Variants in PLD1 observed in about 807,000 individuals in gnomAD.
PLD1 encodes the protein phospholipase D1.
Under a neutral mutation model 137.1 loss-of-function variants are expected in PLD1, and 112 were observed. The ratio of observed to expected loss-of-function variants is 0.82; its 90% CI spans 0.70 to 0.96. The LOEUF (loss-of-function observed/expected upper bound fraction) is 0.96, where lower values mean the gene tolerates loss of function less well. PLD1 is among the 40% of genes least tolerant of loss of function. The pLI, the probability that PLD1 is intolerant of heterozygous loss-of-function variation, is 0.00. For synonymous variants in PLD1, 431 were observed against 454.7 expected (o/e 0.95, Z 0.66); for missense variants, 1,321 against 1,342.0 (o/e 0.98, Z 0.24).
In PLD1 at chr3:171,708,794, A is replaced by G. The variant is rs1358821607; in HGVS notation, c.1106T>C (p.Met369Thr). ...AAAAATCTCTTCATTTGCCTCTTCC[A>G]TTGCATTTGCCACATCTTCAAAATA... ...KGYFEDVANA[M>T]EEANEEIFIT... Residue 369 changes from methionine (M) to threonine (T), a missense_variant, in exon 11 of 27, where the codon ATG becomes ACG. By Grantham distance (81) the Met-to-Thr change is moderately conservative. Transcript: ENST00000351298. 2 of 1,604,200 alleles carry G rather than the reference A, an allele frequency of 1.2e-6. No individual in the cohort carries two copies. Among genetic ancestry groups the G allele is most frequent in the South Asian group, 1.1e-5 (1 of 90,904 alleles).
chr3:171,791,236 A>AT (rs1304352489), intron 1 of PLD1, among the ~76,000 whole-genome samples: 2 of 152,156 alleles, frequency 1.3e-5, no homozygotes, highest in East Asian at 3.8e-4. Flanking sequence ...CTGTAAAAAA[A>AT]CCTCACACTA....
chr3:171,704,422 G>A (rs1251418733), intron 11 of PLD1, among the ~76,000 whole-genome samples: 1 of 85,508 alleles, frequency 1.2e-5, no homozygotes, highest in Non-Finnish European at 2.3e-5. Context: ...AAATGTTCTA[G>A]AATACATTAA....
intron 1 of PLD1, among the ~76,000 whole-genome samples, chr3:171,748,016 C>T (rs1055966609): frequency 2.0e-5 from 3 of 152,160 alleles, no homozygotes; most frequent in Non-Finnish European, 4.4e-5. Flanking sequence ...TTTAAAAACT[C>T]CTCTCTCAAC....
intron 24 of PLD1, among the ~76,000 whole-genome samples, chr3:171,615,429 A>T (rs2108279564): frequency 6.6e-6 from 1 of 152,336 alleles, no homozygotes; most frequent in South Asian, 2.1e-4. Flanking sequence ...CAATAATAAA[A>T]TAGTCATCAC....
chr3:171,759,764 T>C (rs905438498), intron 1 of PLD1, among the ~76,000 whole-genome samples: 1 of 152,272 alleles, frequency 6.6e-6, no homozygotes, highest in African/African-American at 2.4e-5. Context: ...TATTTACTTA[T>C]TCAAACATCT....
chr3:171,609,491 A>T (rs1225910401), intron 25 of PLD1, among the ~76,000 whole-genome samples: 3 of 148,538 alleles, frequency 2.0e-5, no homozygotes, highest in Non-Finnish European at 4.5e-5. Context: ...TCCTGAGCAG[A>T]CAATTACATA....
chr3:171,644,021 C>CTT (rs1323078112), intron 22 of PLD1, among the ~76,000 whole-genome samples: 1 of 152,044 alleles, frequency 6.6e-6, no homozygotes, highest in African/African-American at 2.4e-5. Context: ...GGCGAGGGGG[C>CTT]CCAAGCAGGA....
chr3:171,628,556 CA>C (rs894505404), intron 23 of PLD1, among the ~76,000 whole-genome samples: 11 of 151,534 alleles, frequency 7.3e-5, no homozygotes, highest in Middle Eastern at 3.4e-3. Flanking sequence ...GAGACACAAC[CA>C]AAAAAGAGAA....
At chr3:171,742,089 CCACA>C (rs1371886491) in intron 1 of PLD1, among the ~76,000 whole-genome samples, 2 of 152,120 alleles carry the variant, frequency 1.3e-5, no homozygotes, top group Non-Finnish European at 2.9e-5. Context: ...CTTGGCAGGG[CCACA>C]CAGCTGGGAA....
chr3:171,639,556 TAATA>T (rs1424117273), intron 23 of PLD1, among the ~76,000 whole-genome samples: 2 of 73,808 alleles, frequency 2.7e-5, no homozygotes, highest in African/African-American at 1.2e-4. Flanking sequence ...TATATTCATA[TAATA>T]TATATTATAT....
chr3:171,683,697 C>T (rs1484850073), intron 16 of PLD1, among the ~76,000 whole-genome samples: 2 of 152,182 alleles, frequency 1.3e-5, no homozygotes, highest in African/African-American at 2.4e-5. Context: ...ATTATCACCA[C>T]CTGAAATGTG....
At chr3:171,755,460 A>G (rs369045533) in intron 1 of PLD1, among the ~76,000 whole-genome samples, 6 of 152,228 alleles carry the variant, frequency 3.9e-5, no homozygotes, top group South Asian at 4.1e-4. Context: ...CTCAGCTTAC[A>G]TGTTCTCACA....
chr3:171,634,365 C>T (rs143324982), intron 23 of PLD1, among the ~76,000 whole-genome samples: 7 of 152,238 alleles, frequency 4.6e-5, no homozygotes, highest in African/African-American at 1.7e-4. Flanking sequence ...ATATCCTCAC[C>T]TGCGCATTTT....
chr3:171,749,746 A>G (rs570489082), intron 1 of PLD1, among the ~76,000 whole-genome samples: 2 of 152,342 alleles, frequency 1.3e-5, no homozygotes, highest in African/African-American at 4.8e-5. Flanking sequence ...CAATCACAGC[A>G]GCTGAAAAGT....
At chr3:171,755,899 T>G (rs973336123) in intron 1 of PLD1, among the ~76,000 whole-genome samples, 22 of 152,218 alleles carry the variant, frequency 1.4e-4, no homozygotes, top group African/African-American at 4.6e-4. Context: ...GAATTCATCA[T>G]CTTCTAACCA....
At chr3:171,783,339 C>A (rs1002916300) in intron 1 of PLD1, among the ~76,000 whole-genome samples, 4 of 151,830 alleles carry the variant, frequency 2.6e-5, no homozygotes, top group Non-Finnish European at 4.4e-5. Context: ...GTGATTTTAA[C>A]CAGGGTTGTG....
At chr3:171,707,901 A>T (rs1716823008) in intron 11 of PLD1, among the ~76,000 whole-genome samples, 1 of 152,230 alleles carries the variant, frequency 6.6e-6, no homozygotes, top group African/African-American at 2.4e-5. Context: ...CTTGAATTAG[A>T]TATTGATATT....
intron 21 of PLD1, among the ~76,000 whole-genome samples, chr3:171,651,812 G>A (rs1219670546): frequency 6.6e-6 from 1 of 152,118 alleles, no homozygotes; most frequent in Admixed American, 6.5e-5. Flanking sequence ...CTATGGCCCA[G>A]ACGGTTTTCA....
At chr3:171,740,907 T>C (rs1408858292) in intron 1 of PLD1, among the ~76,000 whole-genome samples, 1 of 152,234 alleles carries the variant, frequency 6.6e-6, no homozygotes, top group African/African-American at 2.4e-5. Context: ...TGTGTCAGTG[T>C]TGAGTTTATA....
Sources: allele counts gnomAD v4.1 joint callset (sites outside exome capture counted in the v4.1 genomes callset), GRCh38; gene constraint gnomAD v4.1.1; transcripts MANE v1.5; gene names NCBI Gene and HGNC (gene_info 2026-07-23, HGNC 2026-07-21).